EFCAB5: variants seen among roughly 807,000 people sequenced by gnomAD.
The protein encoded by EFCAB5 is EF-hand calcium-binding domain-containing protein 5.
EFCAB5 carries 131 observed loss-of-function variants against 167.9 expected under a neutral mutation model. The observed-to-expected ratio is 0.78, with a 90% confidence interval of 0.68 to 0.90. EFCAB5 has a LOEUF of 0.90. Ranked by LOEUF, EFCAB5 falls within the 40% of genes least tolerant of loss-of-function variation. The pLI is 0.00. For synonymous variants in EFCAB5, 574 were observed against 602.8 expected, an observed-to-expected ratio of 0.95 and a Z score of 0.70; for missense variants, 1,663 against 1,745.2, an observed-to-expected ratio of 0.95 and a Z score of 0.84.
chr17:30,021,953 T>C (rs1034174647), intron 7 of EFCAB5, among the ~76,000 whole-genome samples: 1 of 152,196 alleles, frequency 6.6e-6, no homozygotes, highest in Non-Finnish European at 1.5e-5. Context: ...AAGAGCAATG[T>C]AATTAGTACT....
intron 7 of EFCAB5, among the ~76,000 whole-genome samples, chr17:30,021,964 C>T (rs2069190189): frequency 6.6e-6 from 1 of 151,998 alleles, no homozygotes; most frequent in African/African-American, 2.4e-5. Flanking sequence ...AATTAGTACT[C>T]AGGATGGAGT....
In EFCAB5 at chr17:29,991,570, C is replaced by T. The variant is rs905002313; in HGVS notation, c.768-1595C>T. 2.0e-5 allele frequency among the ~76,000 whole-genome samples: 3 copies of T among 152,220 alleles called. No individual in the cohort carries two copies. The South Asian group carries it at 6.2e-4, about 32-fold the overall frequency. On this transcript the variant is annotated intron_variant, in intron 4 of 22. Coordinates refer to ENST00000394835, the MANE Select transcript of EFCAB5 (RefSeq NM_198529.4). ...AGATCGCTCATGCTATTGTTTGTGG[C>T]TTAGGAATGCCTTAAGCGGTTTTCT...
intron 3 of EFCAB5, among the ~76,000 whole-genome samples, chr17:29,966,071 A>G (rs1392737137): frequency 6.6e-6 from 1 of 152,138 alleles, no homozygotes; most frequent in African/African-American, 2.4e-5. Flanking sequence ...AAATACATAT[A>G]TCATAATATT....
chr17:30,089,103 A>T (rs141953468), intron 19 of EFCAB5, among the ~76,000 whole-genome samples: 2,548 of 151,296 alleles, frequency 0.017, 59 homozygotes, highest in African/African-American at 0.056. Flanking sequence ...CCTCCACCCC[A>T]CGACAGGCCC....
intron 13 of EFCAB5, 44 bp downstream of exon 13, chr17:30,057,934 A>T (rs2070319310): frequency 1.3e-6 from 2 of 1,548,188 alleles, no homozygotes; most frequent in African/African-American, 1.4e-5. Context: ...GGTCACTATT[A>T]TAAGTAAATC....
upstream of EFCAB5, among the ~76,000 whole-genome samples, chr17:29,939,601 T>C (rs963629181): frequency 5.3e-5 from 8 of 152,238 alleles, no homozygotes; most frequent in African/African-American, 1.9e-4. Context: ...GGTAACTTGC[T>C]GCAACTTCTA....
intron 18 of EFCAB5, among the ~76,000 whole-genome samples, chr17:30,085,589 C>T (rs1479168827): frequency 2.6e-5 from 4 of 151,908 alleles, no homozygotes; most frequent in African/African-American, 9.7e-5. Context: ...GGCGCGGTGG[C>T]GGGCGCCTGT....
intron 3 of EFCAB5, among the ~76,000 whole-genome samples, chr17:29,945,647 A>G (rs1340559278): frequency 6.6e-6 from 1 of 152,220 alleles, no homozygotes; most frequent in Non-Finnish European, 1.5e-5. Context: ...CTGGTATAAA[A>G]GTAGACACAC....
At chr17:29,990,938 G>A (rs1350398781) in intron 4 of EFCAB5, among the ~76,000 whole-genome samples, 1 of 152,160 alleles carries the variant, frequency 6.6e-6, no homozygotes, top group African/African-American at 2.4e-5. Context: ...TAATGAGGGG[G>A]TGCAGAAGGG....
intron 14 of EFCAB5, among the ~76,000 whole-genome samples, chr17:30,060,692 A>C (rs2070401673): frequency 1.3e-5 from 2 of 152,224 alleles, no homozygotes; most frequent in African/African-American, 4.8e-5. Flanking sequence ...GTCTTCTACA[A>C]ACTTTACATT....
At chr17:30,082,390 C>CTTTTTTTTTTTTTTT (rs71138871) in intron 17 of EFCAB5, among the ~76,000 whole-genome samples, 6 of 98,256 alleles carry the variant, frequency 6.1e-5, no homozygotes, top group Middle Eastern at 7.1e-3. Flanking sequence ...CTTTATACCT[C>CTTTTTTTTTTTTTTT]TTTTTTTTTT....
intron 5 of EFCAB5, among the ~76,000 whole-genome samples, chr17:29,995,586 C>T (rs1423197844): frequency 1.3e-5 from 2 of 152,152 alleles, no homozygotes; most frequent in Admixed American, 6.5e-5. Context: ...TTCTTGTCTG[C>T]GTCTGATCTG....
At chr17:30,007,859 C>A (rs1051789083) in intron 7 of EFCAB5, among the ~76,000 whole-genome samples, 2 of 152,022 alleles carry the variant, frequency 1.3e-5, no homozygotes, top group Non-Finnish European at 2.9e-5. Context: ...TGGTGGCTCA[C>A]GCCTGTAATC....
chr17:30,030,137 C>T (rs2069440386), intron 7 of EFCAB5, among the ~76,000 whole-genome samples: 1 of 152,210 alleles, frequency 6.6e-6, no homozygotes, highest in Non-Finnish European at 1.5e-5. Flanking sequence ...GAGACATTGG[C>T]AAACTTCTGT....
At position 30,080,216 on chromosome 17, in the gene EFCAB5, C is replaced by T. The variant is rs1263598702; in HGVS notation, c.3172C>T (p.Leu1058Phe). The T allele has an allele frequency of 3.3e-5, 53 of 1,600,690 alleles. No homozygotes were observed. The highest frequency in any genetic ancestry group is 4.5e-5 in the Non-Finnish European group (53 of 1,176,154). Residue 1058 changes from leucine (L) to phenylalanine (F), a missense_variant, in exon 16 of 23, where the codon CTC (leucine) becomes TTC (phenylalanine). Physicochemically the swap from Leu to Phe is conservative, Grantham distance 22 (BLOSUM62 0). Transcript: ENST00000394835. ...DDAQFVLNRV[L>F]YRDMKGISFT... ...TGCTCAATTTGTACTGAACAGAGTG[C>T]TCTACAGGGACATGAAAGGAATCAG...
intron 14 of EFCAB5, among the ~76,000 whole-genome samples, chr17:30,062,910 A>C (rs2064720715): frequency 6.6e-6 from 1 of 152,112 alleles, no homozygotes; most frequent in Non-Finnish European, 1.5e-5. Flanking sequence ...AACTCCCTGC[A>C]TCCCAAGAAA....
chr17:29,977,042 T>C (rs1361562043), intron 4 of EFCAB5, among the ~76,000 whole-genome samples: 2 of 152,136 alleles, frequency 1.3e-5, no homozygotes, highest in Admixed American at 1.3e-4. Flanking sequence ...TACGTGCAAT[T>C]TTGGACAACT....
intron 7 of EFCAB5, among the ~76,000 whole-genome samples, chr17:30,003,233 TTTG>T (rs944463931): frequency 2.0e-5 from 3 of 151,982 alleles, no homozygotes; most frequent in African/African-American, 2.4e-5. Context: ...TTCAGTAGTT[TTTG>T]TTGTTGTTGT....
At chr17:29,975,783 C>T (rs114733410) in intron 4 of EFCAB5, among the ~76,000 whole-genome samples, 2,050 of 152,266 alleles carry the variant, frequency 0.013, 37 homozygotes, top group African/African-American at 0.048. Flanking sequence ...CTATCAGTGA[C>T]ACCAGAATCA....
Sources: gnomAD v4.1 joint callset for allele counts (sites outside exome capture counted in the v4.1 genomes callset) on GRCh38, gnomAD v4.1.1 for gene constraint, MANE v1.5 for transcripts, NCBI Gene and HGNC (gene_info 2026-07-23, HGNC 2026-07-21) for gene names.